Variants in PPARGC1B observed in about 807,000 individuals in gnomAD.
PPARGC1B encodes the protein peroxisome proliferator-activated receptor gamma coactivator 1-beta.
In PPARGC1B, 34 loss-of-function variants were observed where a neutral mutation model predicts 101.6. That is an observed-to-expected ratio of 0.33 (90% CI 0.25 to 0.45). The LOEUF is 0.45. Ranked by LOEUF, PPARGC1B falls within the 20% of genes least tolerant of loss-of-function variation. The probability of loss-of-function intolerance (pLI) is 1.00; values close to 1 mark genes in which losing one functional copy is unlikely to be tolerated. For synonymous variants in PPARGC1B, 548 were observed against 539.3 expected (o/e 1.02, Z -0.22); for missense variants, 1,234 against 1,317.6 (o/e 0.94, Z 0.98).
intron 1 of PPARGC1B, among the ~76,000 whole-genome samples, chr5:149,769,360 G>T (rs1214421087): frequency 6.6e-6 from 1 of 152,150 alleles, no homozygotes; most frequent in African/African-American, 2.4e-5. Flanking sequence ...TGGGGATCCT[G>T]GTCTGCACTG....
At chr5:149,839,519 G>T (rs558045307) in intron 8 of PPARGC1B, among the ~76,000 whole-genome samples, 1 of 152,200 alleles carries the variant, frequency 6.6e-6, no homozygotes, top group African/African-American at 2.4e-5. Context: ...AGCTGCAATG[G>T]CCAGGGGCTG....
chr5:149,817,512 T>A (rs1176954168), intron 1 of PPARGC1B: 2 of 339,292 alleles, frequency 5.9e-6, no homozygotes, highest in African/African-American at 4.3e-5. Flanking sequence ...AGATAGATTT[T>A]GTTTCCTGTT....
At chr5:149,744,807 A>G (rs77209662) in intron 1 of PPARGC1B, among the ~76,000 whole-genome samples, 1,733 of 152,206 alleles carry the variant, frequency 0.011, 19 homozygotes, top group Middle Eastern at 0.051. Flanking sequence ...GTAGCTCGGC[A>G]TTAGATAAGT....
In PPARGC1B at chr5:149,820,495, G is replaced by A; in HGVS notation, c.141G>A (p.Leu47=). 6.2e-7 allele frequency: 1 copy of A among 1,614,104 alleles called. No individual in the cohort carries two copies. Among genetic ancestry groups the A allele is most frequent in the Admixed American group, 1.7e-5 (1 of 60,022 alleles). Residue 47 remains leucine, a synonymous_variant, in exon 2 of 12, where the codon CTG becomes CTA. Coordinates refer to ENST00000309241, the MANE Select transcript of PPARGC1B (RefSeq NM_133263.4). ...TTCCAGAACTTGACCTCTCCCAGCT[G>A]GATGCCAGCGACTTTGACTCGGCCA... ...ADFPELDLSQ[L]DASDFDSATC... is the part of the protein sequence containing the mutation.
At chr5:149,792,213 A>T (rs933642103) in intron 1 of PPARGC1B, among the ~76,000 whole-genome samples, 2 of 152,140 alleles carry the variant, frequency 1.3e-5, no homozygotes, top group Non-Finnish European at 2.9e-5. Flanking sequence ...GTAAAATGGG[A>T]ATTGGCAAAC....
At chr5:149,750,593 C>T (rs943990989) in intron 1 of PPARGC1B, among the ~76,000 whole-genome samples, 1 of 151,664 alleles carries the variant, frequency 6.6e-6, no homozygotes, top group African/African-American at 2.4e-5. Flanking sequence ...TTCTTGGGCC[C>T]CAGCCCCTGG....
chr5:149,761,117 A>G (rs1755701476), intron 1 of PPARGC1B, among the ~76,000 whole-genome samples: 1 of 152,176 alleles, frequency 6.6e-6, no homozygotes, highest in Non-Finnish European at 1.5e-5. Flanking sequence ...GGTAAACTTG[A>G]CAAATAAAAA....
intron 1 of PPARGC1B, among the ~76,000 whole-genome samples, chr5:149,754,044 A>G (rs1485124796): frequency 6.6e-6 from 1 of 152,196 alleles, no homozygotes; most frequent in Non-Finnish European, 1.5e-5. Context: ...CTGTCCGTGA[A>G]ATTATATCAG....
intron 1 of PPARGC1B, among the ~76,000 whole-genome samples, chr5:149,769,632 A>G (rs1372528075): frequency 6.6e-6 from 1 of 152,110 alleles, no homozygotes; most frequent in Non-Finnish European, 1.5e-5. Context: ...ACAAACTACC[A>G]CACATGTAGT....
intron 8 of PPARGC1B, among the ~76,000 whole-genome samples, chr5:149,839,068 T>G (rs1307476494): frequency 6.6e-6 from 1 of 152,206 alleles, no homozygotes; most frequent in East Asian, 1.9e-4. Context: ...CAGGTGCACC[T>G]GGAGGTATCT....
rs1759758248 is a variant in PPARGC1B at position 149,851,441 on chromosome 5, G to A, written c.*3883G>A. The A allele has an allele frequency of 6.6e-6, 1 of 152,174 alleles. No homozygotes were observed. Among genetic ancestry groups the A allele is most frequent in the Non-Finnish European group, 1.5e-5 (1 of 68,038 alleles). The allele number at this position is 152,174 out of a possible 1,614,324, so 9.4% of individuals were successfully genotyped here. A position where few individuals can be genotyped will look rare whatever the true frequency, so the allele number is the denominator to read the frequency against. On this transcript the variant is annotated 3_prime_UTR_variant, in exon 12 of 12. Coordinates refer to ENST00000309241, the MANE Select transcript of PPARGC1B (RefSeq NM_133263.4). ...TGAAGCAAAATCAGCCCCAGAGGAT[G>A]TATTGATCTGACTCACTGATGTCAA...
intron 1 of PPARGC1B, among the ~76,000 whole-genome samples, chr5:149,754,242 CT>C (rs1389877013): frequency 1.3e-5 from 2 of 152,136 alleles, no homozygotes; most frequent in Admixed American, 1.3e-4. Flanking sequence ...TGTCGATTTT[CT>C]TCTTTCTGAT....
intron 1 of PPARGC1B, among the ~76,000 whole-genome samples, chr5:149,761,013 CA>C (rs1755697298): frequency 6.6e-6 from 1 of 152,222 alleles, no homozygotes; most frequent in Non-Finnish European, 1.5e-5. Flanking sequence ...TGCTGGCAGG[CA>C]TCCGGCCCCT....
intron 1 of PPARGC1B, among the ~76,000 whole-genome samples, chr5:149,749,464 C>T (rs1254954963): frequency 6.6e-6 from 1 of 152,180 alleles, no homozygotes; most frequent in African/African-American, 2.4e-5. Context: ...AGCCCCTCCG[C>T]TACTGCTGTC....
chr5:149,805,998 A>C (rs1757584206), intron 1 of PPARGC1B, among the ~76,000 whole-genome samples: 1 of 152,212 alleles, frequency 6.6e-6, no homozygotes, highest in South Asian at 2.1e-4. Flanking sequence ...CTGTGGGCCG[A>C]GCACTGCTGA....
rs1222628399 is a variant in PPARGC1B, at chr5:149,846,105, G to T, written c.2971+191G>T. 6.0e-6 allele frequency: 4 copies of T among 664,246 alleles called. 1 individual carries two copies. The highest frequency in any genetic ancestry group is 3.7e-5 in the South Asian group (2 of 54,368). The allele number at this position is 664,246 out of a possible 1,614,324, so 41.1% of individuals were successfully genotyped here. A position where few individuals can be genotyped will look rare whatever the true frequency, so the allele number is the denominator to read the frequency against. On this transcript the variant is annotated intron_variant, in intron 11 of 11. Coordinates refer to ENST00000309241, the MANE Select transcript of PPARGC1B (RefSeq NM_133263.4). ...CCATCCTGTTTCTCTTCTGGCCTCT[G>T]GTCCACCTTATCCTGTCCTGTGACT...
At chr5:149,796,425 C>T (rs1247648119) in intron 1 of PPARGC1B, among the ~76,000 whole-genome samples, 2 of 152,148 alleles carry the variant, frequency 1.3e-5, no homozygotes, top group African/African-American at 2.4e-5. Flanking sequence ...CCTTATAAGC[C>T]ACAGGTGTTT....
chr5:149,743,476 C>T (rs570220477), intron 1 of PPARGC1B, among the ~76,000 whole-genome samples: 2 of 152,232 alleles, frequency 1.3e-5, no homozygotes, highest in East Asian at 1.9e-4. Context: ...TTACTATTCC[C>T]TCTTCTCTAC....
chr5:149,747,067 T>C (rs1755119496), intron 1 of PPARGC1B, among the ~76,000 whole-genome samples: 2 of 152,236 alleles, frequency 1.3e-5, no homozygotes, highest in Admixed American at 1.3e-4. Context: ...CTGTTGATAG[T>C]GTCTTCTAAT....
Sources: gnomAD v4.1 joint callset for allele counts (sites outside exome capture counted in the v4.1 genomes callset) on GRCh38, gnomAD v4.1.1 for gene constraint, MANE v1.5 for transcripts, NCBI Gene and HGNC (gene_info 2026-07-23, HGNC 2026-07-21) for gene names.